The following GARIN4 variants were observed in gnomAD, a reference collection of about 807,000 sequenced individuals.
The protein encoded by GARIN4 is golgi associated RAB2 interactor family member 4.
chr1:212,625,723 G>A, the GARIN4 span: 1 of 1,613,920 alleles, frequency 6.2e-7, no homozygotes, highest in Admixed American at 1.7e-5. Context: ...CAGCAGCAGG[G>A]GCAGCTGCAG....
At chr1:212,625,071 G>T in the GARIN4 span, 1 of 1,614,108 alleles carries the variant, frequency 6.2e-7, no homozygotes, top group South Asian at 1.1e-5. Context: ...GTGCACAACC[G>T]TGTCCGTATG....
the GARIN4 span, chr1:212,625,490 C>T: frequency 6.2e-7 from 1 of 1,614,166 alleles, no homozygotes; most frequent in East Asian, 2.2e-5. Context: ...CAGGAGGAGC[C>T]TGGGAGCCGT....
At chr1:212,626,403 G>A in the GARIN4 span, 1 of 1,614,176 alleles carries the variant, frequency 6.2e-7, no homozygotes, top group Non-Finnish European at 8.5e-7. Flanking sequence ...CACAAATCTG[G>A]GAGGAGCTTA....
At chr1:212,625,692 CA>C in the GARIN4 span, 1 of 1,614,100 alleles carries the variant, frequency 6.2e-7, no homozygotes, top group East Asian at 2.2e-5. Context: ...GAGCCAGCAA[CA>C]GGGGGGATTA....
the GARIN4 span, chr1:212,625,809 C>T: frequency 6.2e-7 from 1 of 1,614,196 alleles, no homozygotes; most frequent in Non-Finnish European, 8.5e-7. Flanking sequence ...GTGAGCGCAG[C>T]CATAGCTGGG....
the GARIN4 span, chr1:212,624,576 G>C: frequency 3.7e-6 from 1 of 273,036 alleles, no homozygotes; most frequent in Non-Finnish European, 6.9e-6. Context: ...GGAGGTCAGG[G>C]GGTTAGGTCC....
the GARIN4 span, chr1:212,626,148 G>C: frequency 1.2e-6 from 2 of 1,614,180 alleles, no homozygotes; most frequent in East Asian, 2.2e-5. Flanking sequence ...AAGGAGGGGA[G>C]GGAAAGAAGG....
the GARIN4 span, chr1:212,625,435 C>A: frequency 6.2e-7 from 1 of 1,614,216 alleles, no homozygotes; most frequent in Non-Finnish European, 8.5e-7. Context: ...GTACCTGTGG[C>A]ATTCCAGCTG....
the GARIN4 span, chr1:212,626,122 C>G: frequency 6.2e-7 from 1 of 1,613,990 alleles, no homozygotes; most frequent in African/African-American, 1.3e-5. Flanking sequence ...GAACCCAGGC[C>G]AGCGCTGAAG....
At chr1:212,626,245 A>G in the GARIN4 span, 4 of 1,614,108 alleles carry the variant, frequency 2.5e-6, no homozygotes, top group Admixed American at 3.3e-5. Flanking sequence ...AGATTGCCCA[A>G]AAGTCCTCCA....
At chr1:212,626,412 T>A in the GARIN4 span, 1 of 1,614,090 alleles carries the variant, frequency 6.2e-7, no homozygotes, top group African/African-American at 1.3e-5. Flanking sequence ...GGGAGGAGCT[T>A]ATGGACCACC....
At chr1:212,624,858 C>T in the GARIN4 span, 11 of 1,553,332 alleles carry the variant, frequency 7.1e-6, no homozygotes, top group South Asian at 2.5e-5. Context: ...CCAGTGCTGC[C>T]GTTGTGCTGA....
chr1:212,625,949 G>A, the GARIN4 span: 143 of 1,614,252 alleles, frequency 8.9e-5, no homozygotes, highest in East Asian at 1.2e-3. Context: ...TGTTTCCAGC[G>A]CATCCATGAG....
At chr1:212,626,637 A>G in the GARIN4 span, 1 of 1,608,914 alleles carries the variant, frequency 6.2e-7, no homozygotes. Flanking sequence ...GACATCATGG[A>G]GACAGTGACC....
the GARIN4 span, chr1:212,626,724 C>G: frequency 2.1e-4 from 322 of 1,523,404 alleles, no homozygotes; most frequent in Middle Eastern, 1.2e-3. Flanking sequence ...CCCTGGAAAG[C>G]CTATTCCAGC....
chr1:212,625,799 G>T, the GARIN4 span: 1 of 1,614,194 alleles, frequency 6.2e-7, no homozygotes. Context: ...CCCTGGACAG[G>T]TGAGCGCAGC....
chr1:212,624,552 A>G, the GARIN4 span: 1 of 210,634 alleles, frequency 4.7e-6, no homozygotes, highest in East Asian at 1.1e-4. Context: ...ACTGTAATTA[A>G]AAAAATCAGA....
At chr1:212,625,773 C>A in the GARIN4 span, 2 of 1,614,012 alleles carry the variant, frequency 1.2e-6, no homozygotes, top group African/African-American at 2.7e-5. Flanking sequence ...TTGAGTGTGG[C>A]AGCAGCCAAT....
At chr1:212,626,570 A>G in the GARIN4 span, 1 of 1,614,168 alleles carries the variant, frequency 6.2e-7, no homozygotes, top group African/African-American at 1.3e-5. Flanking sequence ...CAACGTGGCC[A>G]TCGCCGAGAC....
Sources: allele counts gnomAD v4.1 joint callset, GRCh38; gene constraint gnomAD v4.1.1; transcripts MANE v1.5; gene names NCBI Gene and HGNC (gene_info 2026-07-23, HGNC 2026-07-21).